SCN1A: variants seen among roughly 807,000 people sequenced by gnomAD.
The protein encoded by SCN1A is sodium voltage-gated channel alpha subunit 1.
In SCN1A, 13 loss-of-function variants were observed where a neutral mutation model predicts 193.7. The ratio of observed to expected loss-of-function variants is 0.07; its 90% CI spans 0.04 to 0.11. SCN1A has a LOEUF of 0.11. SCN1A is among the 10% of genes least tolerant of loss of function. The probability of loss-of-function intolerance (pLI) is 1.00; values close to 1 mark genes in which losing one functional copy is unlikely to be tolerated. For missense variants in SCN1A, 1,432 were observed against 2,451.1 expected, an observed-to-expected ratio of 0.58 and a Z score of 8.78; for synonymous variants, 781 against 843.6, an observed-to-expected ratio of 0.93 and a Z score of 1.29.
chr2:166,123,711 T>C (rs535722930), intron 2 of SCN1A: 3 of 152,138 alleles, frequency 2.0e-5, no homozygotes, highest in South Asian at 2.1e-4. Context: ...CTGATTTATG[T>C]TTTTTTTAAA....
At position 166,060,513 on chromosome 2, in the gene SCN1A, A is replaced by G. The variant is rs1256903229; in HGVS notation, c.265-1825T>C. 4 of 152,216 alleles carry G rather than the reference A, an allele frequency of 2.6e-5. No homozygotes were observed. In the East Asian group the frequency reaches 7.7e-4, roughly 29 times the overall value. The allele number at this position is 152,216 out of a possible 1,614,324, so 9.4% of individuals were successfully genotyped here. A position where few individuals can be genotyped will look rare whatever the true frequency, so the allele number is the denominator to read the frequency against. ...ATGGTCCACCTTTCAAATGTACTGC[A>G]TATACTTCCTTTCCCCCCAGATATG... is the stretch of plus-strand genomic sequence containing the variant. On this transcript the variant is annotated intron_variant, in intron 4 of 28. Transcript: ENST00000674923.
At chr2:165,998,624 A>C (rs1351225253) in intron 25 of SCN1A, among the ~76,000 whole-genome samples, 1 of 151,388 alleles carries the variant, frequency 6.6e-6, no homozygotes, top group Admixed American at 6.6e-5. Context: ...CTAAAGTAAC[A>C]GTTATTGAAT....
Position 166,043,662 on chromosome 2 carries a change from T to G in SCN1A, c.2043+7A>C. 1 of 1,612,810 alleles carries G rather than the reference T, an allele frequency of 6.2e-7. No individual in the cohort carries two copies. The highest frequency in any genetic ancestry group is 1.7e-5 in the Admixed American group (1 of 59,914). On this transcript the variant is annotated splice_region_variant and intron_variant, in intron 14 of 28. Coordinates refer to ENST00000674923, the MANE Select transcript of SCN1A (RefSeq NM_001165963.4). ...AGCCATGCCTGAACTATTTAAAACT[T>G]CCTTACATTGTCATCAGTAGCTGGC...
At chr2:166,089,685 G>T (rs768685600) in intron 2 of SCN1A, among the ~76,000 whole-genome samples, 12 of 152,072 alleles carry the variant, frequency 7.9e-5, no homozygotes, top group Non-Finnish European at 1.8e-4. Flanking sequence ...GTGCCAGGAA[G>T]AGACTATATA....
chr2:166,039,250 C>T (rs941894035), intron 17 of SCN1A, among the ~76,000 whole-genome samples, 173 bp downstream of exon 17: 2 of 152,048 alleles, frequency 1.3e-5, no homozygotes, highest in African/African-American at 4.8e-5. Context: ...TAAAGGTTTT[C>T]ATAAATAATT....
chr2:166,002,781 G>C, intron 23 of SCN1A, 28 bp from the exon 24 acceptor site: 1 of 1,588,002 alleles, frequency 6.3e-7, no homozygotes, highest in Non-Finnish European at 8.6e-7. Context: ...AAAAAGAAAA[G>C]TCAGAATTCT....
intron 1 of SCN1A, among the ~76,000 whole-genome samples, chr2:166,140,546 T>A (rs1692039003): frequency 6.6e-6 from 1 of 152,182 alleles, no homozygotes; most frequent in African/African-American, 2.4e-5. Context: ...AGAATATAAC[T>A]ATGTTTGGAC....
chr2:166,064,107 A>G (rs946458568), intron 4 of SCN1A, among the ~76,000 whole-genome samples: 1 of 152,162 alleles, frequency 6.6e-6, no homozygotes, highest in Non-Finnish European at 1.5e-5. Context: ...ACATTATGAA[A>G]ATATAAGTAT....
chr2:166,096,577 G>C (rs1329338657), intron 2 of SCN1A, among the ~76,000 whole-genome samples: 1 of 152,194 alleles, frequency 6.6e-6, no homozygotes, highest in Admixed American at 6.5e-5. Flanking sequence ...ACTGCGCCCA[G>C]CCTGAGAGAT....
intron 2 of SCN1A, among the ~76,000 whole-genome samples, chr2:166,120,687 T>C (rs538640): frequency 0.93 from 136,752 of 146,444 alleles, 64,099 homozygotes; most frequent in East Asian, 0.98. Flanking sequence ...GATCTCGGCT[T>C]GCTGCAACCT....
upstream of SCN1A, among the ~76,000 whole-genome samples, chr2:166,131,206 C>G (rs1691645215): frequency 6.6e-6 from 1 of 152,112 alleles, no homozygotes; most frequent in African/African-American, 2.4e-5. Flanking sequence ...CCTTTGTAAT[C>G]TTGTTTCAGA....
chr2:166,121,723 T>G (rs769379032), intron 2 of SCN1A, among the ~76,000 whole-genome samples: 1 of 152,210 alleles, frequency 6.6e-6, no homozygotes, highest in South Asian at 2.1e-4. Flanking sequence ...AAATATCAAT[T>G]TAACCTTCTT....
chr2:166,055,860 C>T (rs370962077), intron 6 of SCN1A, among the ~76,000 whole-genome samples: 1 of 152,010 alleles, frequency 6.6e-6, no homozygotes, highest in Non-Finnish European at 1.5e-5. Flanking sequence ...AAAAGTTCCA[C>T]TTCTGTTAGT....
chr2:166,107,058 C>A (rs1688772879), intron 2 of SCN1A, among the ~76,000 whole-genome samples: 1 of 152,074 alleles, frequency 6.6e-6, no homozygotes, highest in African/African-American at 2.4e-5. Flanking sequence ...TTATATTCAT[C>A]AGAAACTTAC....
rs1299891871 is a variant in SCN1A at position 166,036,419 on chromosome 2, G to C, written c.3058C>G (p.His1020Asp). ...CTTTTCACATAAGCTACTCCTTTGT[G>C]CATCCTATCCACAGCAATTTGGAGA... is the stretch of plus-strand genomic sequence containing the variant. The part of the protein sequence containing the change: ...NNLQIAVDRM[H>D]KGVAYVKRKI... Residue 1020 changes from histidine to aspartate, a missense_variant, in exon 19 of 29, where the codon CAC becomes GAC. By Grantham distance (81) the His-to-Asp change is moderately conservative. Coordinates refer to ENST00000674923, the MANE Select transcript of SCN1A (RefSeq NM_001165963.4). 6.2e-7 allele frequency: 1 copy of C among 1,603,476 alleles called. No individual in the cohort carries two copies. Among genetic ancestry groups the C allele is most frequent in the Non-Finnish European group, 8.5e-7 (1 of 1,176,752 alleles).
intron 4 of SCN1A, among the ~76,000 whole-genome samples, chr2:166,064,211 A>T (rs1041441524): frequency 1.3e-5 from 2 of 152,290 alleles, no homozygotes; most frequent in South Asian, 2.1e-4. Flanking sequence ...GTGATCCGGA[A>T]CAGGTTTCTT....
intron 4 of SCN1A, among the ~76,000 whole-genome samples, chr2:166,066,118 G>T (rs73969779): frequency 0.057 from 8,617 of 152,110 alleles, 601 homozygotes; most frequent in African/African-American, 0.17. Context: ...TGCAGAAGGT[G>T]CCTCCCTAGA....
At chr2:166,104,917 G>A (rs1688525380) in intron 2 of SCN1A, among the ~76,000 whole-genome samples, 1 of 152,156 alleles carries the variant, frequency 6.6e-6, no homozygotes, top group Admixed American at 6.5e-5. Context: ...AAAAGAATTG[G>A]TATCATGGTC....
chr2:166,127,921 AACACACAGACACACAAAC>A lies in SCN1A; in HGVS notation c.-397_-380del, dbSNP rs1323594379. 2.6e-5 allele frequency: 4 copies of A among 152,108 alleles called. No homozygotes were observed. The highest frequency in any genetic ancestry group is 2.6e-4 in the Admixed American group (4 of 15,240). 9.4% of individuals were successfully genotyped at this position (152,108 alleles called of 1,614,324 possible). On this transcript the variant is annotated 5_prime_UTR_variant, in exon 1 of 29. Coordinates refer to ENST00000674923, the MANE Select transcript of SCN1A (RefSeq NM_001165963.4). ...AAGGGCTGCAGTCTCACTGGGGCAGAACACACAGACACACAAACACACACAAACGCACACATACACACA... is the reference window on the plus strand; with the variant it reads ...AAGGGCTGCAGTCTCACTGGGGCAGAACACACAAACGCACACATACACACA...
Sources: allele counts gnomAD v4.1 joint callset (sites outside exome capture counted in the v4.1 genomes callset), GRCh38; gene constraint gnomAD v4.1.1; transcripts MANE v1.5; gene names NCBI Gene and HGNC (gene_info 2026-07-23, HGNC 2026-07-21).